The following CFAP47 variants were observed in gnomAD, a reference collection of about 807,000 sequenced individuals.
The protein encoded by CFAP47 is cilia and flagella associated protein 47.
CFAP47 carries 29 observed loss-of-function variants against 148.1 expected under a neutral mutation model. The observed-to-expected ratio is 0.20, with a 90% CI of 0.15 to 0.27. CFAP47 has a LOEUF of 0.27. Among genes scored for constraint, CFAP47 ranks in the 10% least tolerant of loss-of-function variants. CFAP47 has a pLI of 1.00. For missense variants in CFAP47, 1,872 were observed against 1,697.5 expected (o/e 1.10, Z -1.81); for synonymous variants, 664 against 577.3 (o/e 1.15, Z -2.15).
chrX:35,946,605 A>G (rs1936088464), intron 3 of CFAP47, among the ~76,000 whole-genome samples: 1 of 112,121 alleles, frequency 8.9e-6, no homozygotes, highest in Non-Finnish European at 1.9e-5. Flanking sequence ...GAAGTGACCA[A>G]TTTTGTTACT....
At chrX:36,095,162 T>C (rs1286318229) in intron 30 of CFAP47, among the ~76,000 whole-genome samples, 5 of 111,891 alleles carry the variant, frequency 4.5e-5, no homozygotes, top group African/African-American at 9.7e-5. Flanking sequence ...ATTCTGTTGA[T>C]GATGTGTTCT....
chrX:36,249,338 G>A (rs1555997733), intron 48 of CFAP47, among the ~76,000 whole-genome samples: 3 of 110,922 alleles, frequency 2.7e-5, no homozygotes, highest in Non-Finnish European at 5.7e-5. Context: ...AATGAATATG[G>A]AGACACCACT....
intron 57 of CFAP47, among the ~76,000 whole-genome samples, chrX:36,333,927 C>G (rs1332579172): frequency 9.0e-6 from 1 of 111,472 alleles, no homozygotes; most frequent in Non-Finnish European, 1.9e-5. Context: ...TCCCTTTCCC[C>G]TACCTTATCT....
At position 36,005,638 on chromosome X, in the gene CFAP47, T is replaced by A. The variant is rs1409744896; in HGVS notation, c.3417+3931T>A. ...GTTGCAGTAAGTCTAAAACAACTAA[T>A]GATTACATCTGGATGTGTATGTGTA... On this transcript the variant is annotated intron_variant, in intron 21 of 63. Transcript: ENST00000378653. Among the ~76,000 whole-genome samples, 27 of 112,200 alleles carry A rather than the reference T, an allele frequency of 2.4e-4. 2 individuals are homozygous for A. The highest frequency in any genetic ancestry group is 3.8e-5 in the Non-Finnish European group (2 of 53,181).
intron 26 of CFAP47, among the ~76,000 whole-genome samples, chrX:36,063,805 G>A (rs1472265226): frequency 1.8e-5 from 2 of 111,828 alleles, no homozygotes; most frequent in Non-Finnish European, 3.8e-5. Flanking sequence ...AAGTAGAAGA[G>A]GGAATTGATC....
At chrX:36,086,422 T>G (rs1187752370) in intron 30 of CFAP47, among the ~76,000 whole-genome samples, 1 of 111,781 alleles carries the variant, frequency 8.9e-6, no homozygotes, top group Non-Finnish European at 1.9e-5. Context: ...TGTAATATGG[T>G]TAATATATTT....
intron 2 of CFAP47, among the ~76,000 whole-genome samples, chrX:35,930,260 T>C (rs1474271995): frequency 1.8e-5 from 2 of 111,815 alleles, no homozygotes; most frequent in Non-Finnish European, 3.8e-5. Context: ...GAATCAGTCT[T>C]GCCCTTGTAT....
At chrX:36,298,866 TAAAAC>T in intron 51 of CFAP47, 106 bp from the exon 52 acceptor site, 2 of 441,114 alleles carry the variant, frequency 4.5e-6, no homozygotes, top group Non-Finnish European at 7.7e-6. Context: ...GGTAAAAAAA[TAAAAC>T]AAATGGCCTT....
intron 49 of CFAP47, among the ~76,000 whole-genome samples, chrX:36,262,718 T>C (rs1253754765): frequency 8.9e-6 from 1 of 112,448 alleles, no homozygotes; most frequent in Non-Finnish European, 1.9e-5. Context: ...TTCCTTTCTT[T>C]GGGATATATA....
intron 33 of CFAP47, among the ~76,000 whole-genome samples, chrX:36,122,395 G>GT (rs1262548570): frequency 9.0e-6 from 1 of 111,029 alleles, no homozygotes; most frequent in East Asian, 2.8e-4. Context: ...CTTTATACCC[G>GT]TATCTCTTTC....
At chrX:36,121,927 AT>A (rs1372301595) in intron 33 of CFAP47, among the ~76,000 whole-genome samples, 1 of 111,197 alleles carries the variant, frequency 9.0e-6, no homozygotes, top group Non-Finnish European at 1.9e-5. Context: ...CTTCTTTCTG[AT>A]TGAGTTACTC....
intron 57 of CFAP47, among the ~76,000 whole-genome samples, chrX:36,347,788 G>C (rs1359882691): frequency 6.3e-5 from 7 of 110,263 alleles, no homozygotes; most frequent in Non-Finnish European, 1.9e-5. Flanking sequence ...TGTGGGGTGG[G>C]GGGCTAGGGG....
intron 55 of CFAP47, among the ~76,000 whole-genome samples, chrX:36,307,246 T>C (rs1412969922): frequency 8.9e-6 from 1 of 111,831 alleles, no homozygotes; most frequent in Non-Finnish European, 1.9e-5. Flanking sequence ...TTGTTATTTT[T>C]TCCACTGCAT....
At chrX:36,094,035 A>T (rs1292525186) in intron 30 of CFAP47, among the ~76,000 whole-genome samples, 1 of 110,886 alleles carries the variant, frequency 9.0e-6, no homozygotes, top group Admixed American at 9.6e-5. Flanking sequence ...TTATATTTTG[A>T]TTTTATTTTT....
chrX:36,337,311 T>A (rs1401604482), intron 57 of CFAP47, among the ~76,000 whole-genome samples: 1 of 112,324 alleles, frequency 8.9e-6, no homozygotes, highest in African/African-American at 3.2e-5. Flanking sequence ...ACAGTGTCAT[T>A]TTTCTGTCAT....
intron 2 of CFAP47, among the ~76,000 whole-genome samples, chrX:35,939,450 C>T (rs1217263661): frequency 2.8e-5 from 2 of 71,294 alleles, no homozygotes; most frequent in African/African-American, 5.2e-5. Context: ...CCCCCTCCCC[C>T]CACCCCACAA....
At chrX:36,040,359 C>T (rs191323326) in intron 25 of CFAP47, among the ~76,000 whole-genome samples, 1 of 111,633 alleles carries the variant, frequency 9.0e-6, no homozygotes, top group Non-Finnish European at 1.9e-5. Flanking sequence ...TATGACTAGT[C>T]CTTCATAACT....
intron 22 of CFAP47, among the ~76,000 whole-genome samples, chrX:36,023,039 C>A (rs1359778778): frequency 8.9e-6 from 1 of 111,807 alleles, no homozygotes; most frequent in Non-Finnish European, 1.9e-5. Context: ...TTGTCTGTGT[C>A]TGGGCATTCA....
At chrX:36,041,546 G>T (rs937200274) in intron 25 of CFAP47, among the ~76,000 whole-genome samples, 2 of 110,481 alleles carry the variant, frequency 1.8e-5, no homozygotes, top group Non-Finnish European at 3.8e-5. Context: ...ATAATAATGC[G>T]GCCTAATTTG....
Sources: allele counts gnomAD v4.1 joint callset (sites outside exome capture counted in the v4.1 genomes callset), GRCh38; gene constraint gnomAD v4.1.1; transcripts MANE v1.5; gene names NCBI Gene and HGNC (gene_info 2026-07-23, HGNC 2026-07-21).